Variants in VPS13B observed in about 807,000 individuals in gnomAD.
VPS13B encodes the protein vacuolar protein sorting 13 homolog B.
VPS13B carries 285 observed loss-of-function variants against 426.4 expected under a neutral mutation model. That is an observed-to-expected ratio of 0.67 (90% CI 0.61 to 0.74). The LOEUF (loss-of-function observed/expected upper bound fraction) is 0.74. Among genes scored for constraint, VPS13B ranks in the 30% least tolerant of loss-of-function variants. The probability of loss-of-function intolerance (pLI) is 0.00; values close to 1 mark genes in which losing one functional copy is unlikely to be tolerated. For synonymous variants in VPS13B, 1,676 were observed against 1,676.4 expected, an observed-to-expected ratio of 1.00 and a Z score of 0.01; for missense variants, 4,537 against 4,782.6, an observed-to-expected ratio of 0.95 and a Z score of 1.51.
At chr8:99,735,970 G>T (rs1029644916) in intron 39 of VPS13B, among the ~76,000 whole-genome samples, 2 of 152,150 alleles carry the variant, frequency 1.3e-5, no homozygotes, top group Non-Finnish European at 2.9e-5. Flanking sequence ...TGTTCTCTGC[G>T]CTTGGGTCGC....
intron 25 of VPS13B, among the ~76,000 whole-genome samples, chr8:99,487,106 A>G (rs1416237243): frequency 5.3e-5 from 8 of 150,968 alleles, no homozygotes; most frequent in Non-Finnish European, 8.8e-5. Context: ...GACCGAAACC[A>G]AGAAAAAAAA....
At position 99,536,706 on chromosome 8, in the gene VPS13B, A is replaced by C. The variant is rs375364473; in HGVS notation, c.4745+15696A>C. On this transcript the variant is annotated intron_variant, in intron 30 of 61. Transcript: ENST00000357162. ...ATCCCTGTCCCATGTCAGCTTATCA[A>C]ACACACTGTGGACAGCATGTCTTTG... The C allele has an allele frequency of 9.4e-6, 5 of 534,330 alleles. No individual in the cohort carries two copies. In the African/African-American group the frequency reaches 9.6e-5, roughly 10 times the overall value. The allele number at this position is 534,330 out of a possible 1,614,324, so 33.1% of individuals were successfully genotyped here.
At position 99,511,200 on chromosome 8, in the gene VPS13B, A is replaced by G. The variant is rs758597375; in HGVS notation, c.4321A>G (p.Thr1441Ala). The change falls in exon 29 of 62, where the codon ACA becomes GCA. Residue 1441 changes from threonine (T) to alanine (A), a missense_variant. Transcript: ENST00000357162. ...AVTKNVRHKL[T>A]SRNERRSFHK... is the part of the protein sequence containing the mutation. ...AACAAAAAATGTCCGCCACAAGTTA[A>G]CATCAAGAAATGAGCGAAGAAGTTT... 1.2e-6 allele frequency: 2 copies of G among 1,614,002 alleles called. No homozygotes were observed. Among genetic ancestry groups the G allele is most frequent in the Non-Finnish European group, 1.7e-6 (2 of 1,180,006 alleles).
At chr8:99,407,474 TATA>T (rs1815393475) in intron 21 of VPS13B, among the ~76,000 whole-genome samples, 1 of 152,092 alleles carries the variant, frequency 6.6e-6, no homozygotes, top group South Asian at 2.1e-4. Context: ...TTTCTCTCCT[TATA>T]ATGAGAGCCC....
intron 39 of VPS13B, among the ~76,000 whole-genome samples, chr8:99,734,559 A>C (rs1833740468): frequency 6.6e-6 from 1 of 152,184 alleles, no homozygotes; most frequent in South Asian, 2.1e-4. Flanking sequence ...AAAGCATGAT[A>C]GTGGAGGGTT....
At chr8:99,170,689 C>G (rs762959304) in intron 16 of VPS13B, among the ~76,000 whole-genome samples, 15 of 151,764 alleles carry the variant, frequency 9.9e-5, no homozygotes, top group Non-Finnish European at 2.1e-4. Context: ...TTGGAGGTCA[C>G]ATTTCCTTAA....
chr8:99,604,760 G>C (rs1000282197), intron 33 of VPS13B, among the ~76,000 whole-genome samples: 14 of 152,034 alleles, frequency 9.2e-5, no homozygotes, highest in Non-Finnish European at 1.5e-5. Flanking sequence ...AAAGTGCTGG[G>C]ATTACAGGTT....
At chr8:99,114,624 T>C (rs887686312) in intron 6 of VPS13B, among the ~76,000 whole-genome samples, 14 of 152,352 alleles carry the variant, frequency 9.2e-5, no homozygotes, top group African/African-American at 3.4e-4. Flanking sequence ...CATTCCCCGC[T>C]TTCTTACCTC....
intron 36 of VPS13B, among the ~76,000 whole-genome samples, chr8:99,708,056 T>C (rs1832560165): frequency 6.6e-6 from 1 of 152,226 alleles, no homozygotes; most frequent in South Asian, 2.1e-4. Flanking sequence ...CATAATTCAA[T>C]TAACCAGCTA....
At chr8:99,463,785 C>T (rs1325374042) in intron 23 of VPS13B, among the ~76,000 whole-genome samples, 2 of 152,072 alleles carry the variant, frequency 1.3e-5, no homozygotes, top group East Asian at 1.9e-4. Flanking sequence ...CTCCGCCTCC[C>T]GAGTTTAAGC....
chr8:99,832,687 T>C lies in VPS13B; in HGVS notation c.9614+35T>C, dbSNP rs761853696. 3.1e-6 allele frequency: 5 copies of C among 1,607,890 alleles called. No homozygotes were observed. In the Admixed American group the frequency reaches 8.3e-5, roughly 27 times the overall value. On this transcript the variant is annotated intron_variant, in intron 52 of 61. Coordinates refer to ENST00000357162, the MANE Select transcript of VPS13B (RefSeq NM_152564.5). Reference sequence around the variant, plus strand: ...GTTTATATAAATGTCTGTTCTTCTTTGCTTGTCAGTCTAGCTGTTCATCTA... The same window carrying C: ...GTTTATATAAATGTCTGTTCTTCTTCGCTTGTCAGTCTAGCTGTTCATCTA...
At chr8:99,391,774 A>G (rs1393124948) in intron 21 of VPS13B, 70 bp downstream of exon 21, 9 of 1,564,800 alleles carry the variant, frequency 5.8e-6, no homozygotes, top group Admixed American at 1.9e-5. Context: ...AGCATCCACA[A>G]TTTCATGGAT....
intron 30 of VPS13B, among the ~76,000 whole-genome samples, chr8:99,549,312 C>T (rs541726000): frequency 1.5e-4 from 23 of 152,214 alleles, no homozygotes; most frequent in African/African-American, 5.3e-4. Context: ...GTTCTCTGCT[C>T]AGCTGTTGTT....
chr8:99,556,463 T>A lies in VPS13B; in HGVS notation c.4759T>A (p.Leu1587Ile). 6.2e-7 allele frequency: 1 copy of A among 1,612,818 alleles called. No homozygotes were observed. Among genetic ancestry groups the A allele is most frequent in the Non-Finnish European group, 8.5e-7 (1 of 1,179,428 alleles). The change falls in exon 31 of 62, where the codon TTA (leucine) becomes ATA (isoleucine). Residue 1587 changes from leucine to isoleucine, a missense_variant. By Grantham distance (5) the Leu-to-Ile change is conservative. Coordinates refer to ENST00000357162, the MANE Select transcript of VPS13B (RefSeq NM_152564.5). ...CTGCCTTTACAGGAGAGCCTTGAAC[T>A]TAGGAATTCTTCGAGATCCTGGATC... ...RKDIYQRALN[L>I]GILRDPGSEI...
chr8:99,144,960 C>T (rs1810627426), intron 13 of VPS13B, among the ~76,000 whole-genome samples: 1 of 152,160 alleles, frequency 6.6e-6, no homozygotes, highest in African/African-American at 2.4e-5. Flanking sequence ...TATATGTGAG[C>T]TAACTTGTGA....
chr8:99,591,873 T>G (rs1826697097), intron 33 of VPS13B, among the ~76,000 whole-genome samples: 1 of 152,142 alleles, frequency 6.6e-6, no homozygotes, highest in African/African-American at 2.4e-5. Context: ...GTGTTCTCTA[T>G]ATTTCCTGAA....
chr8:99,551,060 T>C (rs1045614007), intron 30 of VPS13B, among the ~76,000 whole-genome samples: 1 of 152,084 alleles, frequency 6.6e-6, no homozygotes, highest in Non-Finnish European at 1.5e-5. Flanking sequence ...ACATATTATG[T>C]TTTTCAATTT....
At chr8:99,313,337 T>C (rs976963858) in intron 19 of VPS13B, among the ~76,000 whole-genome samples, 3 of 152,202 alleles carry the variant, frequency 2.0e-5, no homozygotes, top group African/African-American at 4.8e-5. Flanking sequence ...GATGTACATA[T>C]GGGGTTTTGG....
chr8:99,737,099 T>G (rs1833864598), intron 39 of VPS13B, among the ~76,000 whole-genome samples: 1 of 137,968 alleles, frequency 7.2e-6, no homozygotes, highest in African/African-American at 2.7e-5. Flanking sequence ...CCTTTGAAGA[T>G]GTCCTTCTTT....
Sources: allele counts gnomAD v4.1 joint callset (sites outside exome capture counted in the v4.1 genomes callset), GRCh38; gene constraint gnomAD v4.1.1; transcripts MANE v1.5; gene names NCBI Gene and HGNC (gene_info 2026-07-23, HGNC 2026-07-21).